Variants in NAV2 observed in about 807,000 individuals in gnomAD.
NAV2 encodes helicase, APC down-regulated 1.
In NAV2, 54 loss-of-function variants were observed where a neutral mutation model predicts 223.2. The ratio of observed to expected loss-of-function variants is 0.24; its 90% CI spans 0.19 to 0.30. NAV2 has a LOEUF of 0.30. Ranked by LOEUF, NAV2 falls within the 10% of genes least tolerant of loss-of-function variation. The pLI, the probability that NAV2 is intolerant of heterozygous loss-of-function variation, is 1.00. For synonymous variants in NAV2, 1,279 were observed against 1,239.3 expected, an observed-to-expected ratio of 1.03 and a Z score of -0.67; for missense variants, 2,806 against 3,147.5, an observed-to-expected ratio of 0.89 and a Z score of 2.60.
intron 1 of NAV2, among the ~76,000 whole-genome samples, chr11:19,607,075 G>A (rs2046494072): frequency 6.6e-6 from 1 of 152,220 alleles, no homozygotes; most frequent in South Asian, 2.1e-4. Context: ...GCTCTAATCG[G>A]ACTTGCAGAG....
chr11:19,513,274 T>A (rs968893554), intron 1 of NAV2, among the ~76,000 whole-genome samples: 7 of 152,186 alleles, frequency 4.6e-5, no homozygotes, highest in African/African-American at 1.7e-4. Flanking sequence ...CCAGAAAAAG[T>A]TGAGACCCAC....
intron 3 of NAV2, among the ~76,000 whole-genome samples, chr11:19,865,238 G>A (rs1817199759): frequency 6.6e-6 from 1 of 152,132 alleles, no homozygotes; most frequent in Admixed American, 6.5e-5. Flanking sequence ...TGTTAAAGAT[G>A]GGCACGAGGA....
chr11:19,611,832 G>A (rs979598580), intron 1 of NAV2, among the ~76,000 whole-genome samples: 4 of 152,192 alleles, frequency 2.6e-5, no homozygotes, highest in African/African-American at 9.7e-5. Context: ...TCTGGGGTCT[G>A]GAGAATGGTG....
At chr11:19,674,664 C>T (rs2048667184) in intron 1 of NAV2, among the ~76,000 whole-genome samples, 1 of 152,156 alleles carries the variant, frequency 6.6e-6, no homozygotes, top group Non-Finnish European at 1.5e-5. Flanking sequence ...AGCAGGTTTT[C>T]CTGAGCCTCA....
At chr11:19,464,088 A>T (rs1362858070) in intron 1 of NAV2, among the ~76,000 whole-genome samples, 2 of 152,232 alleles carry the variant, frequency 1.3e-5, no homozygotes, top group South Asian at 2.1e-4. Context: ...TCTCTATTTC[A>T]TACGGTAGTA....
intron 1 of NAV2, among the ~76,000 whole-genome samples, chr11:19,805,784 C>A (rs550518137): frequency 6.6e-6 from 1 of 152,320 alleles, no homozygotes; most frequent in South Asian, 2.1e-4. Flanking sequence ...TACTTCTCAT[C>A]CCCGCAACAT....
chr11:19,771,017 G>C (rs1050960760), intron 1 of NAV2, among the ~76,000 whole-genome samples: 2 of 152,058 alleles, frequency 1.3e-5, no homozygotes, highest in Non-Finnish European at 2.9e-5. Flanking sequence ...AGTGGAAAGG[G>C]GTCTATCTAG....
chr11:19,398,960 A>G lies in NAV2; in HGVS notation c.75+47933A>G, dbSNP rs542572593. 4.6e-5 allele frequency among the ~76,000 whole-genome samples: 7 copies of G among 152,310 alleles called. No individual in the cohort carries two copies. The East Asian group carries it at 1.2e-3, about 25-fold the overall frequency. ...GCTTCAGAGCACATTGATTTTTCCC[A>G]GGGCTTTAATAATCCTGAGCTTCAG... is the stretch of plus-strand genomic sequence containing the variant. On this transcript the variant is annotated intron_variant, in intron 1 of 37. Transcript: ENST00000360655.
rs1354113897 is a variant in NAV2 at position 19,685,327 on chromosome 11, G to C, written c.76-147157G>C. On this transcript the variant is annotated intron_variant, in intron 1 of 37. Coordinates refer to the NAV2 transcript ENST00000360655. Reference sequence around the variant, plus strand: ...CATCCATCAGTGGGGAGCAGTTGAAGAAGAAGCCTCGAAGACTTCCAGACC... The same window carrying C: ...CATCCATCAGTGGGGAGCAGTTGAACAAGAAGCCTCGAAGACTTCCAGACC... 2.6e-5 allele frequency among the ~76,000 whole-genome samples: 4 copies of C among 152,158 alleles called. No individual in the cohort carries two copies. The South Asian group carries it at 6.2e-4, about 24-fold the overall frequency.
chr11:19,742,159 C>T (rs1262444906), intron 1 of NAV2, among the ~76,000 whole-genome samples: 1 of 152,186 alleles, frequency 6.6e-6, no homozygotes, highest in Non-Finnish European at 1.5e-5. Context: ...TCCTGAGCCC[C>T]TTATACTCCA....
chr11:19,630,708 G>A (rs1483451135), intron 1 of NAV2, among the ~76,000 whole-genome samples: 3 of 151,992 alleles, frequency 2.0e-5, no homozygotes, highest in Admixed American at 1.3e-4. Context: ...GCAACATGGT[G>A]AGACAAAAAA....
chr11:19,991,530 A>C, intron 11 of NAV2, among the ~76,000 whole-genome samples: 1 of 152,172 alleles, frequency 6.6e-6, no homozygotes, highest in East Asian at 1.9e-4. Context: ...ATTAGCTCAT[A>C]ATTAACCCCT....
intron 1 of NAV2, among the ~76,000 whole-genome samples, chr11:19,356,602 G>T (rs1853633723): frequency 6.6e-6 from 1 of 152,246 alleles, no homozygotes; most frequent in Non-Finnish European, 1.5e-5. Context: ...TGCCTATAAG[G>T]GGCCAAGTGA....
chr11:19,686,932 G>A (rs151188922), intron 1 of NAV2, among the ~76,000 whole-genome samples: 7 of 152,264 alleles, frequency 4.6e-5, no homozygotes, highest in East Asian at 3.9e-4. Flanking sequence ...CATATGAGGC[G>A]GGCACTATTA....
intron 10 of NAV2, among the ~76,000 whole-genome samples, chr11:19,966,987 A>G (rs1297910045): frequency 6.6e-6 from 1 of 152,160 alleles, no homozygotes; most frequent in African/African-American, 2.4e-5. Context: ...TTAATAATAC[A>G]GGTCGTGTTC....
At chr11:19,449,283 G>A (rs565341082) in intron 1 of NAV2, among the ~76,000 whole-genome samples, 6 of 152,058 alleles carry the variant, frequency 3.9e-5, no homozygotes, top group East Asian at 1.9e-4. Flanking sequence ...AGATTCTGAC[G>A]AATGTGGAGG....
chr11:19,718,548 T>A (rs530922087), intron 1 of NAV2, among the ~76,000 whole-genome samples: 2 of 152,322 alleles, frequency 1.3e-5, no homozygotes, highest in African/African-American at 2.4e-5. Flanking sequence ...TTTGCTCCAT[T>A]GTGTTTTGAT....
At chr11:19,956,737 T>A (rs1565640836) in intron 10 of NAV2, among the ~76,000 whole-genome samples, 1 of 152,058 alleles carries the variant, frequency 6.6e-6, no homozygotes, top group Non-Finnish European at 1.5e-5. Flanking sequence ...AGTCCCATAG[T>A]TGAATGTTTT....
intron 1 of NAV2, among the ~76,000 whole-genome samples, chr11:19,489,601 A>C (rs1181137773): frequency 2.6e-5 from 4 of 152,220 alleles, no homozygotes; most frequent in Non-Finnish European, 4.4e-5. Flanking sequence ...CAGAAGTTAA[A>C]ATAAATTACA....
Sources: gnomAD v4.1 joint callset for allele counts (sites outside exome capture counted in the v4.1 genomes callset) on GRCh38, gnomAD v4.1.1 for gene constraint, MANE v1.5 for transcripts, NCBI Gene and HGNC (gene_info 2026-07-23, HGNC 2026-07-21) for gene names.